The following RBM33 variants were observed in gnomAD, a reference collection of about 807,000 sequenced individuals.
The protein encoded by RBM33 is RNA binding motif protein 33.
RBM33 carries 28 observed loss-of-function variants against 132.6 expected under a neutral mutation model. The ratio of observed to expected loss-of-function variants is 0.21; its 90% CI spans 0.16 to 0.29. The LOEUF (loss-of-function observed/expected upper bound fraction) is 0.29. Among genes scored for constraint, RBM33 ranks in the 10% least tolerant of loss-of-function variants. The pLI, the probability that RBM33 is intolerant of heterozygous loss-of-function variation, is 1.00. For synonymous variants in RBM33, 634 were observed against 593.0 expected, an observed-to-expected ratio of 1.07 and a Z score of -1.01; for missense variants, 1,291 against 1,518.5, an observed-to-expected ratio of 0.85 and a Z score of 2.49.
In RBM33 at chr7:155,774,312, C is replaced by A. The variant is rs1339883310; in HGVS notation, c.3376-247C>A. ...CTGATGGGGCCAGATGATGGGAGGCCTTAACACTAGGCTTGGAAGATGTAA... is the reference window on the plus strand; with the variant it reads ...CTGATGGGGCCAGATGATGGGAGGCATTAACACTAGGCTTGGAAGATGTAA... On this transcript the variant is annotated intron_variant, in intron 16 of 17. Transcript: ENST00000401878. The surrounding 1 kb of genome is among the most constrained non-coding windows in gnomAD (Gnocchi z 4.2). 6.6e-6 allele frequency among the ~76,000 whole-genome samples: 1 copy of A among 152,158 alleles called. No individual in the cohort carries two copies.
Position 155,658,384 on chromosome 7 carries a change from A to ATT in RBM33, c.44-6771_44-6770dup, listed in dbSNP as rs71303950. 3.7e-3 allele frequency among the ~76,000 whole-genome samples: 455 copies of ATT among 122,858 alleles called. 2 individuals are homozygous for ATT. The highest frequency in any genetic ancestry group is 4.8e-3 in the Non-Finnish European group (283 of 58,826). 80.6% of individuals were successfully genotyped at this position (122,858 alleles called of 152,430 possible). On this transcript the variant is annotated intron_variant, in intron 1 of 17. Transcript: ENST00000401878. ...TCTCTAATAGGCAGCATATAGTTGG[A>ATT]TTTTTTTTTTTTTTTTTTTTTGAGA...
chr7:155,703,144 G>A (rs1274265880), intron 6 of RBM33, among the ~76,000 whole-genome samples: 1 of 152,204 alleles, frequency 6.6e-6, no homozygotes, highest in Non-Finnish European at 1.5e-5. Flanking sequence ...GCTTGCATGT[G>A]TGCTTAGTGT....
chr7:155,776,274 AAAT>A lies in RBM33; in HGVS notation c.*1237_*1239del, dbSNP rs750919780. 4 of 152,636 alleles carry A rather than the reference AAAT, an allele frequency of 2.6e-5. No homozygotes were observed. Among genetic ancestry groups the A allele is most frequent in the Non-Finnish European group, 5.9e-5 (4 of 68,048 alleles). 9.5% of individuals were successfully genotyped at this position (152,636 alleles called of 1,614,324 possible). A position where few individuals can be genotyped will look rare whatever the true frequency, so the allele number is the denominator to read the frequency against. ...TAAAGTGGACCTGAGCTATTTGAGC[AAAT>A]AATGATAGGGCATACTCAGACATTT... On this transcript the variant is annotated 3_prime_UTR_variant, in exon 18 of 18. Coordinates refer to ENST00000401878, the MANE Select transcript of RBM33 (RefSeq NM_053043.3). The surrounding 1 kb of genome is among the most constrained non-coding windows in gnomAD (Gnocchi z 4.0).
At chr7:155,761,622 G>A (rs1201142453) in intron 14 of RBM33, among the ~76,000 whole-genome samples, 3 of 151,988 alleles carry the variant, frequency 2.0e-5, no homozygotes, top group Admixed American at 6.5e-5. Flanking sequence ...GGTCCATTGC[G>A]GTGATCCCTC....
chr7:155,770,379 T>C (rs551083515), intron 16 of RBM33, among the ~76,000 whole-genome samples: 1 of 152,278 alleles, frequency 6.6e-6, no homozygotes, highest in African/African-American at 2.4e-5. Flanking sequence ...GGGAGCCCCA[T>C]GGGCCAGTCC....
intron 1 of RBM33, among the ~76,000 whole-genome samples, chr7:155,645,977 C>T (rs1798177791): frequency 6.6e-6 from 1 of 152,178 alleles, no homozygotes; most frequent in Non-Finnish European, 1.5e-5. Flanking sequence ...CTATATGCCA[C>T]TTTTCTTTCA....
At chr7:155,740,685 G>T (rs986129513) in intron 12 of RBM33, among the ~76,000 whole-genome samples, 3 of 152,236 alleles carry the variant, frequency 2.0e-5, no homozygotes, top group Non-Finnish European at 2.9e-5. Flanking sequence ...CATTGCCCTT[G>T]TCCTCCATTA....
Position 155,741,801 on chromosome 7 carries a change from C to T in RBM33, c.2050-18C>T. On this transcript the variant is annotated intron_variant, in intron 12 of 17. Transcript: ENST00000401878. ...AAGTTTCCACTTACAATTAGAATCT[C>T]TTTCTTTTTGTGAAAAGAATACAAC... is the stretch of plus-strand genomic sequence containing the variant. 1.3e-6 allele frequency: 2 copies of T among 1,592,414 alleles called. No homozygotes were observed. Among genetic ancestry groups the T allele is most frequent in the South Asian group, 2.2e-5 (2 of 90,040 alleles).
intron 1 of RBM33, among the ~76,000 whole-genome samples, chr7:155,650,577 T>G (rs1798327183): frequency 6.6e-6 from 1 of 152,236 alleles, no homozygotes; most frequent in Admixed American, 6.5e-5. Flanking sequence ...TGTGTACATT[T>G]GTGCTATCCT....
At chr7:155,724,832 T>G (rs1252647045) in intron 9 of RBM33, among the ~76,000 whole-genome samples, 1 of 152,194 alleles carries the variant, frequency 6.6e-6, no homozygotes, top group African/African-American at 2.4e-5. Context: ...GATTCATCCA[T>G]TTGCTGCACC....
chr7:155,673,154 T>C (rs115698000), intron 3 of RBM33, among the ~76,000 whole-genome samples: 3,907 of 152,140 alleles, frequency 0.026, 161 homozygotes, highest in African/African-American at 0.089. Flanking sequence ...CAAGGCACTC[T>C]GGCAGTTACT....
rs868798245 is a variant in RBM33, at chr7:155,775,496, C to T, written c.*455C>T. The T allele has an allele frequency of 5.0e-5, 10 of 200,052 alleles. No homozygotes were observed. The highest frequency in any genetic ancestry group is 2.7e-4 in the South Asian group (3 of 10,956). The allele number at this position is 200,052 out of a possible 1,614,324, so 12.4% of individuals were successfully genotyped here. On this transcript the variant is annotated 3_prime_UTR_variant, in exon 18 of 18. Coordinates refer to ENST00000401878, the MANE Select transcript of RBM33 (RefSeq NM_053043.3). Reference sequence around the variant, plus strand: ...AGAGTCTTCTCAACCAAGCTTAACTCGAGTTGTCTTCTCAGCCCTCAAAAG... The same window carrying T: ...AGAGTCTTCTCAACCAAGCTTAACTTGAGTTGTCTTCTCAGCCCTCAAAAG...
At chr7:155,725,892 A>G (rs1800783062) in intron 9 of RBM33, among the ~76,000 whole-genome samples, 1 of 152,310 alleles carries the variant, frequency 6.6e-6, no homozygotes, top group South Asian at 2.1e-4. Context: ...GCATCTATAA[A>G]TATCAAAGTA....
intron 13 of RBM33, among the ~76,000 whole-genome samples, chr7:155,742,935 C>T (rs1299489185): frequency 1.3e-5 from 2 of 152,116 alleles, no homozygotes; most frequent in African/African-American, 2.4e-5. Context: ...AGCAGTGCAG[C>T]GAGTTAACTT....
At chr7:155,682,562 C>G (rs1314851684) in intron 5 of RBM33, among the ~76,000 whole-genome samples, 3 of 152,186 alleles carry the variant, frequency 2.0e-5, no homozygotes, top group Non-Finnish European at 4.4e-5. Flanking sequence ...AGATGATTGG[C>G]TAATCGTCCT....
chr7:155,656,503 C>G (rs1798495102), intron 1 of RBM33, among the ~76,000 whole-genome samples: 1 of 152,052 alleles, frequency 6.6e-6, no homozygotes, highest in Non-Finnish European at 1.5e-5. Context: ...CAAAGTACTT[C>G]TTTTTACAAC....
At chr7:155,653,653 T>C (rs2116870808) in intron 1 of RBM33, among the ~76,000 whole-genome samples, 1 of 152,302 alleles carries the variant, frequency 6.6e-6, no homozygotes, top group Admixed American at 6.5e-5. Context: ...AGCTTCTGAG[T>C]TGGTGAGCAC....
At chr7:155,692,051 C>CA (rs1363312755) in intron 5 of RBM33, among the ~76,000 whole-genome samples, 144 of 108,428 alleles carry the variant, frequency 1.3e-3, no homozygotes, top group South Asian at 2.4e-3. Context: ...ACCCTCTGTC[C>CA]AAAAAAAAAA....
intron 9 of RBM33, among the ~76,000 whole-genome samples, chr7:155,720,908 C>A (rs1299933106): frequency 6.6e-6 from 1 of 152,142 alleles, no homozygotes. Context: ...CACGCACACA[C>A]AAAGTGATGG....
Sources: allele counts gnomAD v4.1 joint callset (sites outside exome capture counted in the v4.1 genomes callset), GRCh38; gene constraint gnomAD v4.1.1; non-coding constraint Gnocchi (gnomAD v3.1); transcripts MANE v1.5; gene names NCBI Gene and HGNC (gene_info 2026-07-23, HGNC 2026-07-21).